The following CDH13 variants were observed in gnomAD, a reference collection of about 807,000 sequenced individuals.
CDH13 encodes the protein cadherin-13.
Under a neutral mutation model 63.8 loss-of-function variants are expected in CDH13, and 24 were observed. That is an observed-to-expected ratio of 0.38 (90% confidence interval 0.27 to 0.53). The LOEUF (loss-of-function observed/expected upper bound fraction) is 0.53, where lower values mean the gene tolerates loss of function less well. CDH13 is among the 20% of genes least tolerant of loss of function. The pLI is 0.85. For synonymous variants in CDH13, 503 were observed against 355.3 expected (o/e 1.42, Z -4.67); for missense variants, 1,049 against 903.1 (o/e 1.16, Z -2.07).
intron 7 of CDH13, among the ~76,000 whole-genome samples, chr16:83,545,382 A>G (rs1372281800): frequency 6.6e-6 from 1 of 152,200 alleles, no homozygotes; most frequent in Non-Finnish European, 1.5e-5. Context: ...AGATTCATTA[A>G]TTTTCACCGT....
intron 7 of CDH13, among the ~76,000 whole-genome samples, chr16:83,582,717 G>A (rs1168110334): frequency 6.6e-6 from 1 of 152,180 alleles, no homozygotes; most frequent in Non-Finnish European, 1.5e-5. Flanking sequence ...TGTGCTGACG[G>A]CCAGTGGAAA....
At chr16:83,039,713 G>A (rs1917171341) in intron 3 of CDH13, among the ~76,000 whole-genome samples, 1 of 152,064 alleles carries the variant, frequency 6.6e-6, no homozygotes, top group African/African-American at 2.4e-5. Flanking sequence ...ATGGATGAGT[G>A]GAGCGAGTTA....
At chr16:83,266,313 A>G (rs1164648158) in intron 5 of CDH13, among the ~76,000 whole-genome samples, 15 of 152,208 alleles carry the variant, frequency 9.9e-5, no homozygotes, top group Admixed American at 8.5e-4. Flanking sequence ...CACTGGATTT[A>G]AGCACTGACA....
chr16:83,674,013 C>T, intron 9 of CDH13, among the ~76,000 whole-genome samples: 1 of 152,164 alleles, frequency 6.6e-6, no homozygotes, highest in Non-Finnish European at 1.5e-5. Context: ...TAGGAAGGGC[C>T]TTGAGTTCTA....
chr16:83,743,928 C>A (rs544604135), intron 10 of CDH13, among the ~76,000 whole-genome samples: 2 of 151,940 alleles, frequency 1.3e-5, no homozygotes, highest in South Asian at 4.2e-4. Flanking sequence ...CCGAGAAGCC[C>A]AGCCCCTGGA....
intron 1 of CDH13, among the ~76,000 whole-genome samples, chr16:82,683,443 C>A (rs1281373195): frequency 6.6e-6 from 1 of 152,198 alleles, no homozygotes; most frequent in Admixed American, 6.5e-5. Flanking sequence ...TGCAATGTCA[C>A]CCCAGTGACA....
At chr16:82,748,834 C>A (rs540983081) in intron 1 of CDH13, among the ~76,000 whole-genome samples, 56 of 152,266 alleles carry the variant, frequency 3.7e-4, no homozygotes, top group African/African-American at 1.3e-3. Context: ...TTCCCTCCTG[C>A]CACTGCCTAT....
At chr16:83,342,219 G>A (rs1252130216) in intron 5 of CDH13, among the ~76,000 whole-genome samples, 1 of 152,114 alleles carries the variant, frequency 6.6e-6, no homozygotes, top group East Asian at 1.9e-4. Context: ...ACAGTATTGG[G>A]TAGTGAAGCT....
Position 83,568,327 on chromosome 16 carries a change from C to G in CDH13, c.961-34127C>G, listed in dbSNP as rs1274058741. Among the ~76,000 whole-genome samples the G allele has an allele frequency of 1.3e-5, 2 of 152,146 alleles. 1 individual carries two copies. The highest frequency in any genetic ancestry group is 1.3e-4 in the Admixed American group (2 of 15,274). On this transcript the variant is annotated intron_variant, in intron 7 of 13. Coordinates refer to ENST00000567109, the MANE Select transcript of CDH13 (RefSeq NM_001257.5). ...ACTGGAGAGTGGTAACTAGAAAATT[C>G]CCTTATCTCCTAGGAAGAAAACACA...
At chr16:82,848,495 C>A (rs940682252) in intron 1 of CDH13, among the ~76,000 whole-genome samples, 1 of 151,244 alleles carries the variant, frequency 6.6e-6, no homozygotes, top group East Asian at 1.9e-4. Flanking sequence ...CTCCCGGTTT[C>A]TTTCCTTTTT....
chr16:82,887,691 C>G (rs1434262420), intron 2 of CDH13, among the ~76,000 whole-genome samples: 1 of 152,076 alleles, frequency 6.6e-6, no homozygotes, highest in Non-Finnish European at 1.5e-5. Flanking sequence ...CGTGGTGGTG[C>G]ACACCTGTAG....
intron 5 of CDH13, among the ~76,000 whole-genome samples, chr16:83,316,796 C>G (rs890926111): frequency 1.3e-5 from 2 of 152,180 alleles, no homozygotes; most frequent in African/African-American, 2.4e-5. Context: ...AAACAAACAA[C>G]TTCAAAATCA....
At position 83,786,920 on chromosome 16, in the gene CDH13, T is replaced by C. The variant is rs140412635; in HGVS notation, c.2134+3448T>C. Among the ~76,000 whole-genome samples the C allele has an allele frequency of 4.9e-4, 74 of 152,286 alleles. 1 individual carries two copies. Among genetic ancestry groups the C allele is most frequent in the Admixed American group, 1.2e-3 (19 of 15,294 alleles). ...TTCTCTTTCTTCAGAAAGTAAAATA[T>C]TACAGGCAAAGGTAAAATTGCCTAT... On this transcript the variant is annotated intron_variant, in intron 13 of 13. Coordinates refer to ENST00000567109, the MANE Select transcript of CDH13 (RefSeq NM_001257.5).
chr16:83,066,695 A>C (rs1468000341), intron 3 of CDH13, among the ~76,000 whole-genome samples: 1 of 152,226 alleles, frequency 6.6e-6, no homozygotes, highest in African/African-American at 2.4e-5. Flanking sequence ...ACAAAGTCCA[A>C]ACGATCAGCA....
chr16:83,572,125 T>A (rs919659788), intron 7 of CDH13, among the ~76,000 whole-genome samples: 2 of 151,994 alleles, frequency 1.3e-5, no homozygotes, highest in African/African-American at 4.8e-5. Context: ...TTTACAGTCA[T>A]CATCAAAACC....
chr16:83,388,741 C>G (rs561610205), intron 6 of CDH13, among the ~76,000 whole-genome samples: 1 of 152,152 alleles, frequency 6.6e-6, no homozygotes, highest in Non-Finnish European at 1.5e-5. Context: ...TGAGAGTCCC[C>G]TTCTATCTCT....
intron 10 of CDH13, among the ~76,000 whole-genome samples, chr16:83,690,598 G>T (rs1461974278): frequency 6.6e-6 from 1 of 152,150 alleles, no homozygotes; most frequent in Non-Finnish European, 1.5e-5. Flanking sequence ...GGGAAAGGGA[G>T]ACAGAGGCAG....
intron 10 of CDH13, among the ~76,000 whole-genome samples, chr16:83,728,694 T>C (rs1174746277): frequency 6.6e-6 from 1 of 152,196 alleles, no homozygotes; most frequent in Non-Finnish European, 1.5e-5. Flanking sequence ...TTTTATTGTA[T>C]ATATGTTTAT....
intron 3 of CDH13, among the ~76,000 whole-genome samples, chr16:83,103,941 T>C (rs916000334): frequency 6.6e-6 from 1 of 152,216 alleles, no homozygotes; most frequent in Non-Finnish European, 1.5e-5. Flanking sequence ...ATTACTCCTT[T>C]CCTGTGGGGC....
Sources: allele counts gnomAD v4.1 joint callset (sites outside exome capture counted in the v4.1 genomes callset), GRCh38; gene constraint gnomAD v4.1.1; transcripts MANE v1.5; gene names NCBI Gene and HGNC (gene_info 2026-07-23, HGNC 2026-07-21).